BICD1: variants seen among roughly 807,000 people sequenced by gnomAD.
The protein encoded by BICD1 is protein bicaudal D homolog 1.
Under a neutral mutation model 92.5 loss-of-function variants are expected in BICD1, and 35 were observed. That is an observed-to-expected ratio of 0.38 (90% confidence interval 0.29 to 0.50). BICD1 has a LOEUF of 0.50. Among genes scored for constraint, BICD1 ranks in the 20% least tolerant of loss-of-function variants. BICD1 has a pLI of 0.93. For missense variants in BICD1, 950 were observed against 1,189.8 expected (o/e 0.80, Z 2.97); for synonymous variants, 429 against 465.1 (o/e 0.92, Z 1.00).
intron 4 of BICD1, among the ~76,000 whole-genome samples, chr12:32,315,493 T>G (rs1352774202): frequency 6.6e-6 from 1 of 151,584 alleles, no homozygotes; most frequent in Admixed American, 6.6e-5. Context: ...TCTTGTCAAT[T>G]TCTGCAAAGA....
At chr12:32,276,069 A>C (rs1381663710) in intron 2 of BICD1, among the ~76,000 whole-genome samples, 1 of 152,072 alleles carries the variant, frequency 6.6e-6, no homozygotes, top group African/African-American at 2.4e-5. Context: ...GGCGACCATG[A>C]AGGGACCTCC....
At chr12:32,299,056 C>G (rs1947961691) in intron 3 of BICD1, among the ~76,000 whole-genome samples, 1 of 151,984 alleles carries the variant, frequency 6.6e-6, no homozygotes, top group Non-Finnish European at 1.5e-5. Flanking sequence ...GGACTCCTAG[C>G]AATTTGTGTA....
chr12:32,292,498 T>A (rs1222286482), intron 2 of BICD1, among the ~76,000 whole-genome samples: 2 of 152,220 alleles, frequency 1.3e-5, no homozygotes, highest in Non-Finnish European at 2.9e-5. Context: ...TGAACCTACA[T>A]AGCATGTTTT....
Position 32,294,152 on chromosome 12 carries a change from G to T in BICD1, c.579+6G>T, listed in dbSNP as rs774801858. 3 of 1,583,614 alleles carry T rather than the reference G, an allele frequency of 1.9e-6. No individual in the cohort carries two copies. Among genetic ancestry groups the T allele is most frequent in the East Asian group, 4.5e-5 (2 of 44,248 alleles). On this transcript the variant is annotated splice_donor_region_variant and intron_variant, in intron 3 of 9. Transcript: ENST00000652176. ...CCACGTTGAAGCAGAACCAGGTAAG[G>T]TTTAAGAAATTTTTTGTTATACTGA...
chr12:32,224,981 T>C (rs1945638216), intron 2 of BICD1, among the ~76,000 whole-genome samples: 1 of 152,144 alleles, frequency 6.6e-6, no homozygotes, highest in Non-Finnish European at 1.5e-5. Context: ...TGTGAGTCAC[T>C]GCGCCTGGCC....
intron 4 of BICD1, among the ~76,000 whole-genome samples, chr12:32,319,348 A>G (rs1025451341): frequency 6.6e-6 from 1 of 152,152 alleles, no homozygotes; most frequent in Admixed American, 6.6e-5. Context: ...TATTGAGATG[A>G]TCATGTGGTT....
chr12:32,289,231 A>C (rs1328192220), intron 2 of BICD1, among the ~76,000 whole-genome samples: 1 of 152,246 alleles, frequency 6.6e-6, no homozygotes, highest in Non-Finnish European at 1.5e-5. Flanking sequence ...TCCCCACTGC[A>C]CCATACCCAC....
At chr12:32,192,899 C>G (rs1203884900) in intron 1 of BICD1, among the ~76,000 whole-genome samples, 2 of 152,162 alleles carry the variant, frequency 1.3e-5, no homozygotes, top group Non-Finnish European at 1.5e-5. Flanking sequence ...TTGCTGCAAT[C>G]TGAGGATAAA....
intron 1 of BICD1, among the ~76,000 whole-genome samples, chr12:32,116,896 T>A (rs1941935970): frequency 6.6e-6 from 1 of 152,032 alleles, no homozygotes; most frequent in African/African-American, 2.4e-5. Context: ...ATTTTTTTTT[T>A]AACCATTTCA....
chr12:32,193,662 A>T (rs866883653), intron 1 of BICD1, among the ~76,000 whole-genome samples: 3 of 152,208 alleles, frequency 2.0e-5, no homozygotes, highest in Non-Finnish European at 4.4e-5. Context: ...AATCATAAAA[A>T]AACTAGAAAA....
intron 2 of BICD1, among the ~76,000 whole-genome samples, chr12:32,281,592 T>C (rs966938397): frequency 6.6e-6 from 1 of 152,210 alleles, no homozygotes; most frequent in African/African-American, 2.4e-5. Context: ...CCTTAGTGCA[T>C]ATTTTTTAAA....
chr12:32,309,457 AT>A (rs1948319478), intron 4 of BICD1, among the ~76,000 whole-genome samples: 1 of 152,238 alleles, frequency 6.6e-6, no homozygotes, highest in Admixed American at 6.5e-5. Flanking sequence ...CTGGGATCAG[AT>A]GCAGCATCCG....
chr12:32,130,412 C>T (rs1049347365), intron 1 of BICD1, among the ~76,000 whole-genome samples: 3 of 152,018 alleles, frequency 2.0e-5, no homozygotes, highest in Non-Finnish European at 4.4e-5. Context: ...ACCGTGGTCT[C>T]GATCTCCTGA....
At chr12:32,186,152 A>C (rs1289860020) in intron 1 of BICD1, among the ~76,000 whole-genome samples, 1 of 152,142 alleles carries the variant, frequency 6.6e-6, no homozygotes, top group Non-Finnish European at 1.5e-5. Context: ...AAAACACTTG[A>C]GATTCTGTGG....
chr12:32,319,984 CTAAAG>C (rs1460905555), intron 4 of BICD1, among the ~76,000 whole-genome samples: 1 of 152,162 alleles, frequency 6.6e-6, no homozygotes, highest in African/African-American at 2.4e-5. Context: ...ACCACACACT[CTAAAG>C]TAGACACTTT....
In BICD1 at chr12:32,367,760, C is replaced by A; in HGVS notation, c.2840+15C>A. ...CCAACTGTCAGGTAAATTCAGATGT[C>A]CTTTCCCTTCCACCCAGCTGCATGT... On this transcript the variant is annotated intron_variant, in intron 9 of 9. Transcript: ENST00000652176. 1.2e-6 allele frequency: 2 copies of A among 1,607,642 alleles called. No homozygotes were observed. Among genetic ancestry groups the A allele is most frequent in the South Asian group, 2.2e-5 (2 of 90,952 alleles).
chr12:32,198,326 C>CTATATA (rs1233094983), intron 1 of BICD1, among the ~76,000 whole-genome samples: 2,921 of 112,048 alleles, frequency 0.026, 146 homozygotes, highest in African/African-American at 0.096. Flanking sequence ...TAATATGCAT[C>CTATATA]TATCTATATA....
intron 1 of BICD1, among the ~76,000 whole-genome samples, chr12:32,129,659 C>T (rs983500316): frequency 1.3e-5 from 2 of 152,074 alleles, no homozygotes; most frequent in Non-Finnish European, 2.9e-5. Flanking sequence ...CATGAGCCAC[C>T]GCACCTGGCC....
chr12:32,374,925 T>C (rs1431781868), intron 9 of BICD1, among the ~76,000 whole-genome samples: 1 of 112,580 alleles, frequency 8.9e-6, no homozygotes, highest in African/African-American at 3.5e-5. Flanking sequence ...TTTTTTTTTT[T>C]TTTTTTTTTT....
Sources: allele counts gnomAD v4.1 joint callset (sites outside exome capture counted in the v4.1 genomes callset), GRCh38; gene constraint gnomAD v4.1.1; transcripts MANE v1.5; gene names NCBI Gene and HGNC (gene_info 2026-07-23, HGNC 2026-07-21).